Variants in MAST4 observed in about 807,000 individuals in gnomAD.
MAST4 encodes microtubule associated serine/threonine kinase family member 4, also known as microtubule-associated serine/threonine-protein kinase 4.
Under a neutral mutation model 162.7 loss-of-function variants are expected in MAST4, and 89 were observed. The observed-to-expected ratio is 0.55, with a 90% CI of 0.46 to 0.65. The LOEUF (loss-of-function observed/expected upper bound fraction) is 0.65. Among genes scored for constraint, MAST4 ranks in the 30% least tolerant of loss-of-function variants. The probability of loss-of-function intolerance (pLI) is 0.00; values close to 1 mark genes in which losing one functional copy is unlikely to be tolerated. For synonymous variants in MAST4, 1,479 were observed against 1,361.1 expected (o/e 1.09, Z -1.91); for missense variants, 3,153 against 3,374.0 (o/e 0.93, Z 1.62).
In MAST4 at chr5:66,948,501, G is replaced by C. The variant is rs148433730; in HGVS notation, c.674+48519G>C. ...GTTGTCCCCCTCCTCGCCAAGCTTAGGTAGGGCACAGCAAAGTCCCTCAGC... is the reference window on the plus strand; with the variant it reads ...GTTGTCCCCCTCCTCGCCAAGCTTACGTAGGGCACAGCAAAGTCCCTCAGC... On this transcript the variant is annotated intron_variant, in intron 4 of 28. Transcript: ENST00000403625. 4.0e-3 allele frequency among the ~76,000 whole-genome samples: 608 copies of C among 152,024 alleles called. 5 individuals carry two copies. Among genetic ancestry groups the C allele is most frequent in the Middle Eastern group, 0.017 (5 of 292 alleles).
intron 1 of MAST4, among the ~76,000 whole-genome samples, chr5:66,731,303 C>A (rs777012456): frequency 6.8e-6 from 1 of 147,452 alleles, no homozygotes; most frequent in Admixed American, 6.6e-5. Context: ...ATCTGCCAGA[C>A]GTTTGCATAT....
rs202162060 is a variant in MAST4, at chr5:67,163,203, G to T, written c.4024G>T (p.Gly1342Trp). 2.5e-6 allele frequency: 4 copies of T among 1,613,264 alleles called. No individual in the cohort carries two copies. In the Admixed American group the frequency reaches 5.0e-5, roughly 20 times the overall value. The change falls in exon 29 of 29, where the codon GGG becomes TGG. Residue 1342 changes from glycine to tryptophan, a missense_variant. Gly to Trp is a radical substitution (Grantham distance 184, BLOSUM62 -2). Transcript: ENST00000403625. This position sits in a 1 kb window ranked among gnomAD's most constrained non-coding sequence, Gnocchi z 7.0. ...PSSSAPNSPA[G>W]SGHIRPSTLH... The stretch of plus-strand genomic sequence containing the variant: ...TTCTAGTGCCCCCAATTCCCCAGCA[G>T]GGTCCGGGCACATCCGGCCCAGCAC...
At chr5:66,715,397 C>A (rs10053851) in intron 1 of MAST4, among the ~76,000 whole-genome samples, 2,658 of 151,686 alleles carry the variant, frequency 0.018, 72 homozygotes, top group African/African-American at 0.06. Context: ...TGGCATAAAT[C>A]TCAGGAATTT....
intron 3 of MAST4, among the ~76,000 whole-genome samples, chr5:66,809,048 A>C (rs999631847): frequency 1.3e-5 from 2 of 152,240 alleles, no homozygotes; most frequent in African/African-American, 4.8e-5. Flanking sequence ...CAGAGGGATC[A>C]TTCCTAACTG....
Position 67,152,703 on chromosome 5 carries a change from C to T in MAST4, c.3362C>T (p.Ser1121Phe), listed in dbSNP as rs759791419. The change falls in exon 25 of 29, where the codon TCT becomes TTT. Residue 1121 changes from serine (S) to phenylalanine (F), a missense_variant. Transcript: ENST00000403625. The stretch of plus-strand genomic sequence containing the variant: ...CATTCCCTGTCCTCGGACCCTTCTT[C>T]TTCACGAGATTCCTCTCCCAGCCGA... ...SPHSLSSDPSSSRDSSPSRDS... is the reference protein window; with the variant it reads ...SPHSLSSDPSFSRDSSPSRDS... 1.2e-6 allele frequency: 2 copies of T among 1,614,052 alleles called. No homozygotes were observed. The highest frequency in any genetic ancestry group is 2.2e-5 in the East Asian group (1 of 44,884).
chr5:67,043,593 A>G (rs1003163189), intron 4 of MAST4, among the ~76,000 whole-genome samples: 1 of 152,248 alleles, frequency 6.6e-6, no homozygotes, highest in Admixed American at 6.5e-5. Flanking sequence ...TAATGCCATT[A>G]AATTAAATTG....
chr5:66,876,960 T>C (rs1434795965), intron 3 of MAST4, among the ~76,000 whole-genome samples: 1 of 152,250 alleles, frequency 6.6e-6, no homozygotes, highest in African/African-American at 2.4e-5. Flanking sequence ...TGCAGTATCA[T>C]ACTTTTAATG....
At chr5:66,732,521 T>C (rs995985206) in intron 1 of MAST4, among the ~76,000 whole-genome samples, 3 of 152,228 alleles carry the variant, frequency 2.0e-5, no homozygotes, top group Admixed American at 2.0e-4. Flanking sequence ...CTAGCACTGA[T>C]CACTTTGTGC....
At chr5:66,819,525 A>C (rs190455732) in intron 3 of MAST4, among the ~76,000 whole-genome samples, 2 of 152,326 alleles carry the variant, frequency 1.3e-5, no homozygotes, top group East Asian at 3.9e-4. Flanking sequence ...ATGCCTGTCA[A>C]TATAAAGACA....
At chr5:67,145,522 TTG>T in intron 23 of MAST4, 143 bp downstream of exon 23, 1 of 659,904 alleles carries the variant, frequency 1.5e-6, no homozygotes, top group Non-Finnish European at 2.6e-6. Context: ...GTCCTTAGGC[TTG>T]GGACACGATC....
intron 1 of MAST4, among the ~76,000 whole-genome samples, chr5:66,708,685 G>A (rs1291937566): frequency 6.6e-6 from 1 of 152,134 alleles, no homozygotes; most frequent in Non-Finnish European, 1.5e-5. Context: ...TGCATGTTTG[G>A]CTATTAAGGT....
At chr5:66,671,145 G>T (rs975946405) in intron 1 of MAST4, among the ~76,000 whole-genome samples, 4 of 152,114 alleles carry the variant, frequency 2.6e-5, no homozygotes, top group African/African-American at 9.7e-5. Context: ...TTAAATTGCT[G>T]CTGTGTCAGT....
Position 66,782,486 on chromosome 5 carries a change from G to C in MAST4, c.518-6184G>C, listed in dbSNP as rs33696. On this transcript the variant is annotated intron_variant, in intron 2 of 28. Coordinates refer to ENST00000403625, the MANE Select transcript of MAST4 (RefSeq NM_001164664.2). Reference sequence around the variant, plus strand: ...AAAACAGCAAAAATAACCAGTACAAGAAGTCCATTCAAACAACCCACACCT... The same window carrying C: ...AAAACAGCAAAAATAACCAGTACAACAAGTCCATTCAAACAACCCACACCT... Among the ~76,000 whole-genome samples, 3 of 152,176 alleles carry C rather than the reference G, an allele frequency of 2.0e-5. No homozygotes were observed. The East Asian group carries it at 5.8e-4, about 29-fold the overall frequency.
chr5:66,863,662 T>G lies in MAST4; in HGVS notation c.643-36289T>G, dbSNP rs187833028. On this transcript the variant is annotated intron_variant, in intron 3 of 28. Transcript: ENST00000403625. ...GCTGCCACACGTCAGGCCTCTGGTG[T>G]CTGGTTGGGTTCAGCCCCATGGGGA... is the stretch of plus-strand genomic sequence containing the variant. Among the ~76,000 whole-genome samples the G allele has an allele frequency of 2.6e-5, 4 of 152,210 alleles. No individual in the cohort carries two copies. In the East Asian group the frequency reaches 7.7e-4, roughly 29 times the overall value.
chr5:67,143,189 G>A (rs1770626540), intron 21 of MAST4, among the ~76,000 whole-genome samples: 1 of 151,886 alleles, frequency 6.6e-6, no homozygotes, highest in Admixed American at 6.6e-5. Context: ...GAGAGGCAGA[G>A]GCAAGAAGAT....
chr5:66,630,668 A>T (rs1398925741), intron 1 of MAST4, among the ~76,000 whole-genome samples: 1 of 152,180 alleles, frequency 6.6e-6, no homozygotes, highest in Non-Finnish European at 1.5e-5. Context: ...TTTTTATCAC[A>T]GTATGTATAG....
intron 3 of MAST4, among the ~76,000 whole-genome samples, chr5:66,866,818 C>T (rs1031982016): frequency 2.0e-5 from 3 of 152,192 alleles, no homozygotes; most frequent in East Asian, 3.9e-4. Flanking sequence ...TGCGTGATCA[C>T]GGCTCACTGC....
intron 4 of MAST4, among the ~76,000 whole-genome samples, chr5:66,969,457 G>A (rs544793253): frequency 6.6e-6 from 1 of 152,284 alleles, no homozygotes; most frequent in East Asian, 1.9e-4. Flanking sequence ...AGCTTATGGG[G>A]TTTTAGTGCA....
At chr5:67,000,490 C>A (rs1330867506) in intron 4 of MAST4, among the ~76,000 whole-genome samples, 2 of 152,156 alleles carry the variant, frequency 1.3e-5, no homozygotes, top group Non-Finnish European at 2.9e-5. Context: ...GTGGCTCACG[C>A]CTGTAAGCAC....
Sources: allele counts gnomAD v4.1 joint callset (sites outside exome capture counted in the v4.1 genomes callset), GRCh38; gene constraint gnomAD v4.1.1; non-coding constraint Gnocchi (gnomAD v3.1); transcripts MANE v1.5; gene names NCBI Gene and HGNC (gene_info 2026-07-23, HGNC 2026-07-21).